SORL1: variants seen among roughly 807,000 people sequenced by gnomAD.
SORL1 encodes the protein sortilin-related receptor.
Under a neutral mutation model 273.7 loss-of-function variants are expected in SORL1, and 127 were observed. The ratio of observed to expected loss-of-function variants is 0.46; its 90% CI spans 0.40 to 0.54. The LOEUF is 0.54. Among genes scored for constraint, SORL1 ranks in the 20% least tolerant of loss-of-function variants. The pLI, the probability that SORL1 is intolerant of heterozygous loss-of-function variation, is 0.00. For synonymous variants in SORL1, 1,031 were observed against 1,067.4 expected (o/e 0.97, Z 0.66); for missense variants, 2,494 against 2,846.1 (o/e 0.88, Z 2.81).
chr11:121,592,388 G>A (rs1323698486), intron 31 of SORL1, among the ~76,000 whole-genome samples: 1 of 152,182 alleles, frequency 6.6e-6, no homozygotes, highest in African/African-American at 2.4e-5. Context: ...TTTCTGGGTG[G>A]AGCCCAGGAG....
intron 29 of SORL1, 80 bp downstream of exon 29, chr11:121,589,470 C>G: frequency 6.5e-7 from 1 of 1,547,718 alleles, no homozygotes. Context: ...CACTCACCGG[C>G]AACCCCACTG....
At chr11:121,538,011 G>A (rs1355423863) in intron 12 of SORL1, among the ~76,000 whole-genome samples, 1 of 152,168 alleles carries the variant, frequency 6.6e-6, no homozygotes, top group African/African-American at 2.4e-5. Flanking sequence ...CCTTAGGTCT[G>A]CCTCACGATG....
In SORL1 at chr11:121,578,943, G is replaced by A. The variant is rs767707124; in HGVS notation, c.3580+1543G>A. Among the ~76,000 whole-genome samples the A allele has an allele frequency of 5.3e-5, 8 of 152,238 alleles. No individual in the cohort carries two copies. The East Asian group carries it at 1.3e-3, about 26-fold the overall frequency. ...GAGCTGCCGTTGGCACAGGAAACACGTGAATGCTGTTTGGAAGCTTTGGGT... is the reference window on the plus strand; with the variant it reads ...GAGCTGCCGTTGGCACAGGAAACACATGAATGCTGTTTGGAAGCTTTGGGT... On this transcript the variant is annotated intron_variant, in intron 25 of 47. Transcript: ENST00000260197.
intron 17 of SORL1, 160 bp from the exon 18 acceptor site, chr11:121,555,027 T>A: frequency 1.4e-6 from 1 of 710,740 alleles, no homozygotes; most frequent in Non-Finnish European, 2.2e-6. Context: ...AATGCTTTCA[T>A]GAAAACCTGG....
intron 3 of SORL1, among the ~76,000 whole-genome samples, chr11:121,485,719 G>T (rs1415533227): frequency 2.0e-5 from 3 of 152,184 alleles, no homozygotes; most frequent in African/African-American, 4.8e-5. Flanking sequence ...TAGGTGGTTT[G>T]GGAGCAGGAA....
chr11:121,621,711 C>T (rs1863725711), intron 44 of SORL1, among the ~76,000 whole-genome samples: 3 of 152,258 alleles, frequency 2.0e-5, no homozygotes, highest in East Asian at 1.9e-4. Context: ...TAGTAAGCTC[C>T]GTTGCTCAGA....
At chr11:121,570,585 G>C (rs1862826490) in intron 23 of SORL1, among the ~76,000 whole-genome samples, 2 of 152,164 alleles carry the variant, frequency 1.3e-5, no homozygotes, top group African/African-American at 4.8e-5. Context: ...TCTTGGCTGT[G>C]GCTCTGTAAT....
chr11:121,486,376 T>G (rs1045162948), intron 3 of SORL1, among the ~76,000 whole-genome samples: 1 of 152,164 alleles, frequency 6.6e-6, no homozygotes, highest in Non-Finnish European at 1.5e-5. Flanking sequence ...CAGTGGCTCA[T>G]GCCTGTAATC....
intron 11 of SORL1, among the ~76,000 whole-genome samples, chr11:121,530,794 T>C (rs969323392): frequency 6.6e-6 from 1 of 152,214 alleles, no homozygotes; most frequent in Non-Finnish European, 1.5e-5. Context: ...TTATTGTTCC[T>C]TGTGTCCTTG....
chr11:121,586,702 G>A (rs1401239977), intron 27 of SORL1, among the ~76,000 whole-genome samples: 375 of 15,238 alleles, frequency 0.025, 12 homozygotes, highest in African/African-American at 0.054. Flanking sequence ...GTGGGGGGGG[G>A]GGCGGGGGGG....
In SORL1 at chr11:121,627,656, GC is replaced by G; in HGVS notation, c.6468del (p.Ile2157SerfsTer45). ...LILLSLGVGF[A>X]ILYTKHRRLQ... Reference sequence around the variant, plus strand: ...ACTGCTGAGCCTGGGGGTGGGGTTTGCCATCCTGTACACGAAGCACCGGAGG... The same window carrying G: ...ACTGCTGAGCCTGGGGGTGGGGTTTGCATCCTGTACACGAAGCACCGGAGG... On this transcript the variant is annotated frameshift_variant, in exon 47 of 48. Transcript: ENST00000260197. LOFTEE classifies it high-confidence loss of function. The surrounding 1 kb of genome is among the most constrained non-coding windows in gnomAD (Gnocchi z 4.9). 6.2e-7 allele frequency: 1 copy of G among 1,614,120 alleles called. No individual in the cohort carries two copies. The highest frequency in any genetic ancestry group is 1.1e-5 in the South Asian group (1 of 91,088).
At chr11:121,545,983 T>C (rs1272255439) in intron 14 of SORL1, among the ~76,000 whole-genome samples, 2 of 152,208 alleles carry the variant, frequency 1.3e-5, no homozygotes, top group East Asian at 1.9e-4. Flanking sequence ...ATTGTGACTA[T>C]TGAAAGGAAG....
rs542896575 is a variant in SORL1, at chr11:121,616,038, A to G, written c.5604+983A>G. ...GTGTCCCAGCACCTGACGCTGAGGC[A>G]GGGACAGTGATGAGAAGCCCTGACC... On this transcript the variant is annotated intron_variant, in intron 41 of 47. Transcript: ENST00000260197. Among the ~76,000 whole-genome samples the G allele has an allele frequency of 2.8e-3, 433 of 152,308 alleles. 5 individuals carry two copies. The highest frequency in any genetic ancestry group is 3.8e-4 in the Non-Finnish European group (26 of 68,018).
rs368229596 is a variant in SORL1 at position 121,522,688 on chromosome 11, C to A, written c.1507C>A (p.Leu503Ile). Residue 503 changes from leucine (L) to isoleucine (I), a missense_variant, in exon 10 of 48, where the codon CTC becomes ATC. Leu to Ile is a conservative substitution (Grantham distance 5, BLOSUM62 2). Coordinates refer to ENST00000260197, the MANE Select transcript of SORL1 (RefSeq NM_003105.6). ...CCTGTCCAAGGAGTCGGCTCCAGGC[C>A]TCATCATCGCCACTGGTAAGTGTGC... ...PILSKESAPG[L>I]IIATGSVGKN... 3.6e-5 allele frequency: 58 copies of A among 1,612,978 alleles called. No individual in the cohort carries two copies. Among genetic ancestry groups the A allele is most frequent in the Non-Finnish European group, 4.5e-5 (53 of 1,179,006 alleles).
In SORL1 at chr11:121,595,484, C is replaced by A; in HGVS notation, c.4370-139C>A. 1.3e-6 allele frequency: 1 copy of A among 757,520 alleles called. No individual in the cohort carries two copies. The highest frequency in any genetic ancestry group is 2.2e-6 in the Non-Finnish European group (1 of 458,118). 46.9% of individuals were successfully genotyped at this position (757,520 alleles called of 1,614,324 possible). A position where few individuals can be genotyped will look rare whatever the true frequency, so the allele number is the denominator to read the frequency against. The stretch of plus-strand genomic sequence containing the variant: ...TAGATGTCTGTATCTACTCTGCTCT[C>A]TATCCGGAACTCGCATTTGTCTTCA... On this transcript the variant is annotated intron_variant, in intron 31 of 47. Coordinates refer to ENST00000260197, the MANE Select transcript of SORL1 (RefSeq NM_003105.6). This position sits in a 1 kb window ranked among gnomAD's most constrained non-coding sequence, Gnocchi z 5.1.
At chr11:121,529,122 C>CT (rs1862165118) in intron 11 of SORL1, among the ~76,000 whole-genome samples, 1 of 152,090 alleles carries the variant, frequency 6.6e-6, no homozygotes, top group African/African-American at 2.4e-5. Context: ...TCATTATGAA[C>CT]TATCTCTCTT....
intron 25 of SORL1, among the ~76,000 whole-genome samples, chr11:121,582,631 C>G (rs1301047990): frequency 6.6e-6 from 1 of 152,146 alleles, no homozygotes; most frequent in Non-Finnish European, 1.5e-5. Flanking sequence ...TGGCCTCAGC[C>G]CATGTGTGCA....
chr11:121,489,684 A>G (rs1418313253), intron 4 of SORL1, among the ~76,000 whole-genome samples: 5 of 152,238 alleles, frequency 3.3e-5, no homozygotes, highest in Admixed American at 3.3e-4. Context: ...TATCTGTGAA[A>G]GGTTTTTAAG....
chr11:121,539,614 TC>T (rs1862315997), intron 12 of SORL1, among the ~76,000 whole-genome samples: 1 of 151,234 alleles, frequency 6.6e-6, no homozygotes, highest in African/African-American at 2.5e-5. Context: ...GAATTTTTTT[TC>T]TATTTTTTTT....
Sources: gnomAD v4.1 joint callset for allele counts (sites outside exome capture counted in the v4.1 genomes callset) on GRCh38, gnomAD v4.1.1 for gene constraint, Gnocchi (gnomAD v3.1) non-coding constraint, MANE v1.5 for transcripts, NCBI Gene and HGNC (gene_info 2026-07-23, HGNC 2026-07-21) for gene names.